TMC2: variants seen among roughly 807,000 people sequenced by gnomAD.
TMC2 encodes transmembrane channel like 2.
Under a neutral mutation model 105.9 loss-of-function variants are expected in TMC2, and 102 were observed. The ratio of observed to expected loss-of-function variants is 0.96; its 90% CI spans 0.82 to 1.14. The LOEUF (loss-of-function observed/expected upper bound fraction) is 1.14, where lower values mean the gene tolerates loss of function less well. TMC2 is among the 50% of genes most tolerant of loss of function. The pLI is 0.00. For missense variants in TMC2, 1,093 were observed against 1,134.3 expected (o/e 0.96, Z 0.52); for synonymous variants, 402 against 422.8 (o/e 0.95, Z 0.60).
intron 2 of TMC2, among the ~76,000 whole-genome samples, chr20:2,552,716 A>G (rs1165639491): frequency 6.6e-6 from 1 of 152,102 alleles, no homozygotes; most frequent in Non-Finnish European, 1.5e-5. Context: ...GGGTTTTACC[A>G]TGTTGGCCAG....
chr20:2,635,164 C>T (rs6050736), intron 17 of TMC2, among the ~76,000 whole-genome samples: 1 of 152,202 alleles, frequency 6.6e-6, no homozygotes, highest in African/African-American at 2.4e-5. Flanking sequence ...AACCCCAGAC[C>T]TTAGGACCTG....
chr20:2,609,061 C>A (rs1365879738), intron 11 of TMC2, among the ~76,000 whole-genome samples: 1 of 152,176 alleles, frequency 6.6e-6, no homozygotes, highest in African/African-American at 2.4e-5. Context: ...GGGTAGGCAT[C>A]CTTAGTCCTA....
intron 5 of TMC2, among the ~76,000 whole-genome samples, chr20:2,573,737 T>TAG (rs377085926): frequency 0.11 from 15,575 of 143,938 alleles, 1,205 homozygotes; most frequent in African/African-American, 0.19. Context: ...ATTTTTTGTG[T>TAG]TTTTAGTAGA....
rs867646862 is a variant in TMC2 at position 2,624,349 on chromosome 20, T to C, written c.2259T>C (p.Ala753=). ...CAACCTTCCTGGGCAAGATCTTTGC[T>C]TTCCTCGCCAATCCAGGCCTGATCA... ...DFPTFLGKIF[A]FLANPGLIIP... is the part of the protein sequence containing the mutation. Residue 753 remains alanine, a synonymous_variant, in exon 17 of 20, where the codon GCT becomes GCC. Transcript: ENST00000358864. 3 of 1,614,204 alleles carry C rather than the reference T, an allele frequency of 1.9e-6. No individual in the cohort carries two copies. In the Middle Eastern group the frequency reaches 4.9e-4, roughly 266 times the overall value.
At chr20:2,575,626 A>G (rs2086138778) in intron 5 of TMC2, among the ~76,000 whole-genome samples, 1 of 152,208 alleles carries the variant, frequency 6.6e-6, no homozygotes, top group African/African-American at 2.4e-5. Context: ...CTCTAGACAA[A>G]TACATCTTTG....
chr20:2,598,449 C>G (rs1319923030), intron 10 of TMC2, among the ~76,000 whole-genome samples: 1 of 151,448 alleles, frequency 6.6e-6, no homozygotes, highest in African/African-American at 2.4e-5. Context: ...GAGTGTCGCT[C>G]TGTCACCCAG....
intron 7 of TMC2, among the ~76,000 whole-genome samples, chr20:2,587,530 G>GTT (rs11087500): frequency 1.4e-3 from 210 of 150,514 alleles, no homozygotes; most frequent in African/African-American, 4.3e-3. Flanking sequence ...ATTTGGGAAT[G>GTT]TTTTTTTTTA....
At chr20:2,544,068 A>ATTTTTTT (rs3051737) in intron 2 of TMC2, among the ~76,000 whole-genome samples, 4 of 132,480 alleles carry the variant, frequency 3.0e-5, no homozygotes, top group Non-Finnish European at 4.8e-5. Context: ...TGCCTAGCTG[A>ATTTTTTT]TTTTTTTTTT....
rs948009917 is a variant in TMC2 at position 2,595,042 on chromosome 20, C to T, written c.1076+75C>T. ...ACTCCCCTGGCCACTCTATGCCTAC[C>T]TCCCTTCTGGTGGGGCATTCAGAGA... On this transcript the variant is annotated intron_variant, in intron 9 of 19. Coordinates refer to ENST00000358864, the MANE Select transcript of TMC2 (RefSeq NM_080751.3). The T allele has an allele frequency of 4.0e-6, 6 of 1,512,068 alleles. No homozygotes were observed. The African/African-American group carries it at 8.3e-5, about 21-fold the overall frequency. The allele number at this position is 1,512,068 out of a possible 1,614,324, so 93.7% of individuals were successfully genotyped here.
Position 2,615,877 on chromosome 20 carries a change from G to A in TMC2, c.1873-260G>A, listed in dbSNP as rs183494328. Among the ~76,000 whole-genome samples the A allele has an allele frequency of 3.3e-5, 5 of 152,322 alleles. No individual in the cohort carries two copies. The East Asian group carries it at 9.6e-4, about 29-fold the overall frequency. On this transcript the variant is annotated intron_variant, in intron 14 of 19. Transcript: ENST00000358864. ...GTCAGCCTGCAAGGCCTGAAAGATA[G>A]AAACTGTCATTTTTTTGTTTACTGA...
At chr20:2,564,979 CCT>C in intron 4 of TMC2, among the ~76,000 whole-genome samples, 1 of 152,294 alleles carries the variant, frequency 6.6e-6, no homozygotes, top group East Asian at 1.9e-4. Flanking sequence ...CTTTCTGCCA[CCT>C]CTCCTTGCTA....
At chr20:2,621,038 C>T (rs1053793870) in intron 16 of TMC2, among the ~76,000 whole-genome samples, 11 of 152,072 alleles carry the variant, frequency 7.2e-5, no homozygotes, top group African/African-American at 2.7e-4. Context: ...ATGGATTAGC[C>T]AGGTGGGCCC....
In TMC2 at chr20:2,606,889, TTC is replaced by T. The variant is rs1314911991; in HGVS notation, c.1414-3528_1414-3527del. 5.2e-4 allele frequency among the ~76,000 whole-genome samples: 53 copies of T among 102,758 alleles called. 1 individual carries two copies. The highest frequency in any genetic ancestry group is 5.2e-3 in the Middle Eastern group (1 of 192). The allele number at this position is 102,758 out of a possible 152,430, so 67.4% of individuals were successfully genotyped here. On this transcript the variant is annotated intron_variant, in intron 11 of 19. Transcript: ENST00000358864. ...ATATAGTTTTCCCTTAATTTCTTTT[TTC>T]TTTTTTTTTTTTTTTTTTTGCAGTA...
intron 5 of TMC2, among the ~76,000 whole-genome samples, chr20:2,575,171 A>C (rs2086134454): frequency 6.6e-6 from 1 of 152,132 alleles, no homozygotes; most frequent in Admixed American, 6.5e-5. Context: ...TTTCCAATGA[A>C]GAATGTGCTG....
chr20:2,612,143 G>A (rs1309180625), intron 12 of TMC2, 48 bp from the exon 13 acceptor site: 3 of 1,537,208 alleles, frequency 2.0e-6, no homozygotes, highest in Admixed American at 1.8e-5. Flanking sequence ...GAAACAGTTG[G>A]ACCATCCCTA....
At chr20:2,608,316 T>TTAC (rs1001100502) in intron 11 of TMC2, among the ~76,000 whole-genome samples, 7 of 128,428 alleles carry the variant, frequency 5.5e-5, no homozygotes, top group African/African-American at 2.3e-4. Flanking sequence ...ATTATTATTA[T>TTAC]TATTATTATT....
chr20:2,589,483 C>G (rs2086254341), intron 7 of TMC2, among the ~76,000 whole-genome samples: 1 of 152,042 alleles, frequency 6.6e-6, no homozygotes, highest in Non-Finnish European at 1.5e-5. Flanking sequence ...CTGTCTTTAT[C>G]TTTTAGCTGC....
At position 2,616,027 on chromosome 20, in the gene TMC2, G is replaced by A. The variant is rs1372479238; in HGVS notation, c.1873-110G>A. 9.4e-6 allele frequency: 7 copies of A among 744,376 alleles called. No homozygotes were observed. Among genetic ancestry groups the A allele is most frequent in the Non-Finnish European group, 1.6e-5 (7 of 432,974 alleles). 46.1% of individuals were successfully genotyped at this position (744,376 alleles called of 1,614,324 possible). A position where few individuals can be genotyped will look rare whatever the true frequency, so the allele number is the denominator to read the frequency against. ...TCTAGTTACCAGAGCAGGCTCTTTG[G>A]GATGGAATGGCCTTGGCTTGGCCAG... is the stretch of plus-strand genomic sequence containing the variant. On this transcript the variant is annotated intron_variant, in intron 14 of 19. Transcript: ENST00000358864. The surrounding 1 kb of genome is among the most constrained non-coding windows in gnomAD (Gnocchi z 4.8).
At chr20:2,596,504 G>A (rs2086307673) in intron 9 of TMC2, among the ~76,000 whole-genome samples, 1 of 151,938 alleles carries the variant, frequency 6.6e-6, no homozygotes, top group African/African-American at 2.4e-5. Context: ...GTCCTGGCAG[G>A]TGTTTGTAAT....
Sources: gnomAD v4.1 joint callset for allele counts (sites outside exome capture counted in the v4.1 genomes callset) on GRCh38, gnomAD v4.1.1 for gene constraint, Gnocchi (gnomAD v3.1) non-coding constraint, MANE v1.5 for transcripts, NCBI Gene and HGNC (gene_info 2026-07-23, HGNC 2026-07-21) for gene names.